Variants in PTPRD observed in about 807,000 individuals in gnomAD.
PTPRD encodes receptor-type tyrosine-protein phosphatase delta.
A neutral mutation model predicts 214.5 loss-of-function variants in PTPRD; 34 were observed. The ratio of observed to expected loss-of-function variants is 0.16; its 90% CI spans 0.12 to 0.21. The LOEUF (loss-of-function observed/expected upper bound fraction) is 0.21, where lower values mean the gene tolerates loss of function less well. Among genes scored for constraint, PTPRD ranks in the 10% least tolerant of loss-of-function variants. PTPRD has a pLI of 1.00. For missense variants in PTPRD, 2,545 were observed against 2,398.7 expected, an observed-to-expected ratio of 1.06 and a Z score of -1.27; for synonymous variants, 1,128 against 845.7, an observed-to-expected ratio of 1.33 and a Z score of -5.79.
chr9:9,249,494 C>G (rs140801153), intron 9 of PTPRD, among the ~76,000 whole-genome samples: 2 of 152,084 alleles, frequency 1.3e-5, no homozygotes, highest in Non-Finnish European at 2.9e-5. Context: ...TTTGTCTTGA[C>G]CAAATCAGAA....
intron 9 of PTPRD, among the ~76,000 whole-genome samples, chr9:9,325,967 T>C (rs1969893625): frequency 6.6e-6 from 1 of 152,174 alleles, no homozygotes; most frequent in African/African-American, 2.4e-5. Flanking sequence ...TTTTTTGTCT[T>C]CGGTTCTGTT....
chr9:8,372,759 T>G (rs943806617), intron 39 of PTPRD, among the ~76,000 whole-genome samples: 6 of 152,008 alleles, frequency 3.9e-5, no homozygotes, highest in Non-Finnish European at 7.4e-5. Context: ...TGTTGTTGAT[T>G]GTTAGAATTT....
intron 11 of PTPRD, among the ~76,000 whole-genome samples, chr9:8,765,884 G>A (rs1369210305): frequency 6.6e-6 from 1 of 152,030 alleles, no homozygotes; most frequent in African/African-American, 2.4e-5. Context: ...ACAGCTTCTG[G>A]GCCTCATTTC....
intron 5 of PTPRD, among the ~76,000 whole-genome samples, chr9:9,905,394 T>G (rs1207833053): frequency 1.3e-5 from 2 of 152,004 alleles, no homozygotes; most frequent in Non-Finnish European, 2.9e-5. Flanking sequence ...AAATACATTC[T>G]AAATCTAAGT....
At chr9:8,587,772 G>A (rs775898946) in intron 14 of PTPRD, among the ~76,000 whole-genome samples, 1 of 152,192 alleles carries the variant, frequency 6.6e-6, no homozygotes, top group East Asian at 1.9e-4. Context: ...AGAAAGGAAA[G>A]AGGAAAACAC....
At chr9:9,029,676 G>A (rs2099598340) in intron 10 of PTPRD, among the ~76,000 whole-genome samples, 1 of 151,816 alleles carries the variant, frequency 6.6e-6, no homozygotes, top group Admixed American at 6.6e-5. Flanking sequence ...AAACCTCTTT[G>A]GTGAGGAGAG....
chr9:8,439,188 G>T (rs1187675955), intron 34 of PTPRD, among the ~76,000 whole-genome samples: 3 of 152,170 alleles, frequency 2.0e-5, no homozygotes, highest in South Asian at 4.1e-4. Flanking sequence ...TGGTACAGGA[G>T]AAAGAACCCT....
chr9:10,058,598 G>A (rs986574926), intron 3 of PTPRD, among the ~76,000 whole-genome samples: 1 of 152,058 alleles, frequency 6.6e-6, no homozygotes, highest in South Asian at 2.1e-4. Flanking sequence ...GAGTCATGAG[G>A]ATTAGACTAA....
chr9:8,905,757 G>A lies in PTPRD; in HGVS notation c.-104+112940C>T, dbSNP rs1294271416. 2.8e-5 allele frequency among the ~76,000 whole-genome samples: 4 copies of A among 144,810 alleles called. No individual in the cohort carries two copies. The East Asian group carries it at 5.9e-4, about 21-fold the overall frequency. ...CCCTCGCAAAAAAAAAAAAAAAAAT[G>A]GAGAGAGAGAAAAGAATTAGCCTAC... On this transcript the variant is annotated intron_variant, in intron 11 of 45. Coordinates refer to ENST00000381196, the MANE Select transcript of PTPRD (RefSeq NM_002839.4).
intron 2 of PTPRD, among the ~76,000 whole-genome samples, chr9:10,505,244 T>C (rs746428052): frequency 2.4e-4 from 36 of 152,320 alleles, no homozygotes; most frequent in Non-Finnish European, 4.6e-4. Context: ...GCAAAAGTGC[T>C]GTTGCAGTCA....
intron 2 of PTPRD, among the ~76,000 whole-genome samples, chr9:10,432,720 T>C (rs961713871): frequency 6.6e-6 from 1 of 152,018 alleles, no homozygotes; most frequent in African/African-American, 2.4e-5. Flanking sequence ...TTAAATGTTT[T>C]ATAATGCTAT....
At chr9:10,263,922 G>A (rs1462095166) in intron 3 of PTPRD, among the ~76,000 whole-genome samples, 1 of 152,072 alleles carries the variant, frequency 6.6e-6, no homozygotes, top group African/African-American at 2.4e-5. Context: ...TTGGTGTTCT[G>A]CATCTCAAAG....
chr9:8,763,617 T>C (rs1336802104), intron 11 of PTPRD, among the ~76,000 whole-genome samples: 1 of 151,668 alleles, frequency 6.6e-6, no homozygotes, highest in African/African-American at 2.4e-5. Context: ...AATGTCATTT[T>C]TGTTTTGAAA....
At chr9:9,026,717 A>G (rs1169018553) in intron 10 of PTPRD, among the ~76,000 whole-genome samples, 4 of 151,980 alleles carry the variant, frequency 2.6e-5, no homozygotes, top group Non-Finnish European at 4.4e-5. Context: ...AGCATTTACA[A>G]GATTCAGTAG....
chr9:9,598,508 GT>G (rs1263699040), intron 7 of PTPRD, among the ~76,000 whole-genome samples: 1 of 151,828 alleles, frequency 6.6e-6, no homozygotes, highest in Non-Finnish European at 1.5e-5. Context: ...AATAAAAAAT[GT>G]TCATGGTAGA....
At chr9:9,039,837 C>G (rs1450249837) in intron 10 of PTPRD, among the ~76,000 whole-genome samples, 2 of 152,172 alleles carry the variant, frequency 1.3e-5, no homozygotes, top group African/African-American at 4.8e-5. Flanking sequence ...GGTAGACCTT[C>G]TGTGTAGACT....
At chr9:10,389,075 G>A (rs1302313715) in intron 2 of PTPRD, among the ~76,000 whole-genome samples, 1 of 151,742 alleles carries the variant, frequency 6.6e-6, no homozygotes, top group Non-Finnish European at 1.5e-5. Context: ...AATGGAACGT[G>A]GCCAAAGATT....
intron 11 of PTPRD, among the ~76,000 whole-genome samples, chr9:8,773,413 T>G (rs1276033096): frequency 1.3e-5 from 2 of 152,174 alleles, no homozygotes; most frequent in African/African-American, 2.4e-5. Context: ...CGCCAGGCAG[T>G]AAGCTGAGGC....
rs568708855 is a variant in PTPRD at position 10,449,986 on chromosome 9, T to A, written c.-599-108969A>T. On this transcript the variant is annotated intron_variant, in intron 2 of 45. Transcript: ENST00000381196. The stretch of plus-strand genomic sequence containing the variant: ...AAACATGTGCTGTGTCCACTCAGGG[T>A]TAAATGGATTAAGGGCGGTGCAAGA... Among the ~76,000 whole-genome samples the A allele has an allele frequency of 1.8e-4, 27 of 151,730 alleles. No homozygotes were observed. The East Asian group carries it at 5.0e-3, about 28-fold the overall frequency.
Sources: allele counts gnomAD v4.1 joint callset (sites outside exome capture counted in the v4.1 genomes callset), GRCh38; gene constraint gnomAD v4.1.1; transcripts MANE v1.5; gene names NCBI Gene and HGNC (gene_info 2026-07-23, HGNC 2026-07-21).